The following NBAS variants were observed in gnomAD, a reference collection of about 807,000 sequenced individuals.
The protein encoded by NBAS is NBAS subunit of NRZ tethering complex.
Under a neutral mutation model 302.5 loss-of-function variants are expected in NBAS, and 219 were observed. The observed-to-expected ratio is 0.72, with a 90% CI of 0.65 to 0.81. NBAS has a LOEUF of 0.81. Ranked by LOEUF, NBAS falls within the 30% of genes least tolerant of loss-of-function variation. The probability of loss-of-function intolerance (pLI) is 0.00; values close to 1 mark genes in which losing one functional copy is unlikely to be tolerated. For missense variants in NBAS, 2,932 were observed against 2,841.6 expected (o/e 1.03, Z -0.72); for synonymous variants, 1,118 against 1,021.6 (o/e 1.09, Z -1.80).
chr2:15,212,513 C>A (rs1666458525), intron 48 of NBAS, among the ~76,000 whole-genome samples: 2 of 152,212 alleles, frequency 1.3e-5, no homozygotes, highest in East Asian at 3.9e-4. Flanking sequence ...TGCTTCCAGA[C>A]ACAGTGGCTG....
the NBAS span, among the ~76,000 whole-genome samples, chr2:14,864,084 C>T: frequency 6.6e-6 from 1 of 152,134 alleles, no homozygotes; most frequent in Admixed American, 6.5e-5. Flanking sequence ...TTTGGGAGGG[C>T]AAGGCAGGTG....
the NBAS span, among the ~76,000 whole-genome samples, chr2:14,816,538 C>A: frequency 1.3e-5 from 2 of 152,274 alleles, no homozygotes; most frequent in African/African-American, 4.8e-5. Flanking sequence ...TTCAGCTGAA[C>A]CTTGTACTTT....
At chr2:14,829,803 C>T in the NBAS span, among the ~76,000 whole-genome samples, 1 of 152,256 alleles carries the variant, frequency 6.6e-6, no homozygotes, top group Non-Finnish European at 1.5e-5. Flanking sequence ...AACATCTTGA[C>T]ATACCTATCA....
At chr2:15,135,752 C>T in the NBAS span, among the ~76,000 whole-genome samples, 1 of 151,952 alleles carries the variant, frequency 6.6e-6, no homozygotes, top group East Asian at 1.9e-4. Flanking sequence ...CATAGAAATA[C>T]ACCATCTCCA....
At chr2:14,970,925 C>A in the NBAS span, among the ~76,000 whole-genome samples, 1 of 152,282 alleles carries the variant, frequency 6.6e-6, no homozygotes, top group East Asian at 1.9e-4. Context: ...GGAGCAGTGC[C>A]TCCTGGAAGC....
chr2:14,871,607 C>T, the NBAS span, among the ~76,000 whole-genome samples: 1 of 151,810 alleles, frequency 6.6e-6, no homozygotes, highest in African/African-American at 2.4e-5. Context: ...AGGTTTATAA[C>T]ATGTGGAAGT....
intron 19 of NBAS, among the ~76,000 whole-genome samples, chr2:15,463,521 C>A (rs1679595190): frequency 6.6e-6 from 1 of 152,092 alleles, no homozygotes; most frequent in Non-Finnish European, 1.5e-5. Context: ...CCATTTTGTT[C>A]ACTTTCCATT....
intron 11 of NBAS, among the ~76,000 whole-genome samples, chr2:15,491,061 T>C (rs951161856): frequency 6.6e-6 from 1 of 152,232 alleles, no homozygotes; most frequent in Admixed American, 6.5e-5. Flanking sequence ...TATTTTTTAA[T>C]TTTTAAAAAA....
chr2:15,478,167 A>G lies in NBAS; in HGVS notation c.1147+59T>C, dbSNP rs1295491414. 3.5e-6 allele frequency: 4 copies of G among 1,155,168 alleles called. No homozygotes were observed. The East Asian group carries it at 9.4e-5, about 27-fold the overall frequency. 71.6% of individuals were successfully genotyped at this position (1,155,168 alleles called of 1,614,324 possible). ...AGACTTTTTATATCATCCAAAGAGA[A>G]TCTTGTATAATAATAGGAGTATATT... On this transcript the variant is annotated intron_variant, in intron 13 of 51. Coordinates refer to ENST00000281513, the MANE Select transcript of NBAS (RefSeq NM_015909.4).
intron 21 of NBAS, among the ~76,000 whole-genome samples, chr2:15,455,846 C>A (rs780038041): frequency 4.6e-5 from 7 of 151,410 alleles, no homozygotes; most frequent in Non-Finnish European, 1.0e-4. Context: ...TTGTATTCAT[C>A]ACTCAGGAAA....
chr2:15,374,549 T>C, intron 31 of NBAS, 59 bp downstream of exon 31: 1 of 1,396,616 alleles, frequency 7.2e-7, no homozygotes, highest in Non-Finnish European at 1.0e-6. Context: ...TAAAAAAGAA[T>C]ACTAGTAAAT....
At chr2:15,165,847 G>A (rs963839746), downstream of NBAS, among the ~76,000 whole-genome samples, 10 of 152,194 alleles carry the variant, frequency 6.6e-5, no homozygotes, top group African/African-American at 2.2e-4. Flanking sequence ...TAACAATGAT[G>A]TAATATCATC....
At chr2:14,843,520 C>T in the NBAS span, among the ~76,000 whole-genome samples, 1 of 151,358 alleles carries the variant, frequency 6.6e-6, no homozygotes, top group South Asian at 2.1e-4. Context: ...ATCATCCTCC[C>T]CACAAGGCAC....
the NBAS span, among the ~76,000 whole-genome samples, chr2:15,075,760 TACACAC>T: frequency 6.7e-6 from 1 of 149,956 alleles, no homozygotes; most frequent in African/African-American, 2.5e-5. Context: ...CCAAAATTTA[TACACAC>T]ACACACACAC....
intron 11 of NBAS, among the ~76,000 whole-genome samples, chr2:15,496,179 A>G (rs527835128): frequency 6.6e-5 from 10 of 152,178 alleles, no homozygotes; most frequent in Admixed American, 3.9e-4. Flanking sequence ...TACATGCAAC[A>G]ACATGGGTGA....
At chr2:15,002,874 C>T in the NBAS span, among the ~76,000 whole-genome samples, 1 of 152,246 alleles carries the variant, frequency 6.6e-6, no homozygotes, top group Non-Finnish European at 1.5e-5. Context: ...TCCAGCTGGC[C>T]CACAAGCGCC....
intron 38 of NBAS, among the ~76,000 whole-genome samples, chr2:15,316,448 G>A (rs1671514980): frequency 6.6e-6 from 1 of 152,232 alleles, no homozygotes; most frequent in South Asian, 2.1e-4. Context: ...GCAAGGGGTT[G>A]GGGGATTTCC....
In NBAS at chr2:15,541,416, T is replaced by C. The variant is rs527702924; in HGVS notation, c.380-2060A>G. On this transcript the variant is annotated intron_variant, in intron 6 of 51. Coordinates refer to ENST00000281513, the MANE Select transcript of NBAS (RefSeq NM_015909.4). ...AGGACTACCAATGAAATGTGAATTC[T>C]ATAACGGAAGTCATCTATCTACCTA... 6.6e-5 allele frequency among the ~76,000 whole-genome samples: 10 copies of C among 152,208 alleles called. No homozygotes were observed. The South Asian group carries it at 2.1e-3, about 32-fold the overall frequency.
chr2:15,516,081 G>A (rs1662377961), intron 9 of NBAS, among the ~76,000 whole-genome samples: 1 of 152,174 alleles, frequency 6.6e-6, no homozygotes, highest in African/African-American at 2.4e-5. Context: ...TATTTTTAAG[G>A]AAACATCGAG....
Sources: gnomAD v4.1 joint callset for allele counts (sites outside exome capture counted in the v4.1 genomes callset) on GRCh38, gnomAD v4.1.1 for gene constraint, MANE v1.5 for transcripts, NCBI Gene and HGNC (gene_info 2026-07-23, HGNC 2026-07-21) for gene names.